The following USP12 variants were observed in gnomAD, a reference collection of about 807,000 sequenced individuals.
USP12 encodes the protein ubiquitin carboxyl-terminal hydrolase 12.
Under a neutral mutation model 45.5 loss-of-function variants are expected in USP12, and 19 were observed. That is an observed-to-expected ratio of 0.42 (90% CI 0.29 to 0.61). USP12 has a LOEUF of 0.61. Ranked by LOEUF, USP12 falls within the 20% of genes least tolerant of loss-of-function variation. The pLI is 0.22. For missense variants in USP12, 242 were observed against 447.7 expected (o/e 0.54, Z 4.15); for synonymous variants, 149 against 148.8 (o/e 1.00, Z -0.01).
intron 2 of USP12, among the ~76,000 whole-genome samples, chr13:27,110,361 G>A (rs921475668): frequency 6.6e-6 from 1 of 152,204 alleles, no homozygotes; most frequent in Non-Finnish European, 1.5e-5. Context: ...ACTAGGCAGA[G>A]CCAATAATTT....
intron 7 of USP12, among the ~76,000 whole-genome samples, chr13:27,073,855 G>A (rs1318977530): frequency 6.6e-6 from 1 of 152,090 alleles, no homozygotes. Context: ...ACGTTACACT[G>A]CCCACAATTG....
intron 1 of USP12, among the ~76,000 whole-genome samples, chr13:27,141,780 T>A (rs1379885838): frequency 6.6e-6 from 1 of 152,094 alleles, no homozygotes; most frequent in Non-Finnish European, 1.5e-5. Context: ...CATCCCTAAT[T>A]TGAAAATCTG....
intron 3 of USP12, among the ~76,000 whole-genome samples, chr13:27,104,722 A>G (rs1875045894): frequency 6.6e-6 from 1 of 152,238 alleles, no homozygotes; most frequent in African/African-American, 2.4e-5. Context: ...CGAACTAGAT[A>G]TGATCCAGGC....
At chr13:27,100,132 G>A (rs537868694) in intron 3 of USP12, among the ~76,000 whole-genome samples, 11 of 152,258 alleles carry the variant, frequency 7.2e-5, no homozygotes, top group Admixed American at 3.3e-4. Flanking sequence ...AGAACCTTGC[G>A]TGGTTCCACC....
chr13:27,125,891 C>T (rs971442115), intron 1 of USP12, among the ~76,000 whole-genome samples: 4 of 152,220 alleles, frequency 2.6e-5, no homozygotes, highest in Non-Finnish European at 4.4e-5. Context: ...GACGCTGGAG[C>T]TTGGCAGGGG....
intron 1 of USP12, chr13:27,169,258 G>T (rs1053838693): frequency 6.6e-6 from 1 of 152,308 alleles, no homozygotes; most frequent in East Asian, 1.9e-4. Flanking sequence ...GGGTTGGACA[G>T]GGGTAGGATT....
At position 27,095,749 on chromosome 13, in the gene USP12, T is replaced by C. The variant is rs779897534; in HGVS notation, c.425A>G (p.Glu142Gly). 6 of 1,613,192 alleles carry C rather than the reference T, an allele frequency of 3.7e-6. No homozygotes were observed. The East Asian group carries it at 1.1e-4, about 30-fold the overall frequency. The change falls in exon 4 of 9, where the codon GAA (glutamate) becomes GGA (glycine). Residue 142 changes from glutamate (E) to glycine (G), a missense_variant. Physicochemically the swap from Glu to Gly is moderately conservative, Grantham distance 98. Transcript: ENST00000282344. ...LLNTIADILQ[E>G]ERKQEKQNGR... ...ATTTTGTTTTTCCTGCTTTCTCTCT[T>C]CTTGTAAAATATCAGCAATTGTATT...
Position 27,146,854 on chromosome 13 carries a change from G to C in USP12, c.48+24738C>G, listed in dbSNP as rs553480695. 7.2e-5 allele frequency among the ~76,000 whole-genome samples: 11 copies of C among 152,282 alleles called. No homozygotes were observed. In the East Asian group the frequency reaches 1.9e-3, roughly 27 times the overall value. On this transcript the variant is annotated intron_variant, in intron 1 of 8. Coordinates refer to ENST00000282344, the MANE Select transcript of USP12 (RefSeq NM_182488.4). ...TTTACAAAGCTAATCAAGTTAAAAT[G>C]AGGTCATGAAGGTAATTCCTAATCC...
At chr13:27,135,803 A>G (rs1299844041) in intron 1 of USP12, among the ~76,000 whole-genome samples, 4 of 152,222 alleles carry the variant, frequency 2.6e-5, no homozygotes. Flanking sequence ...AACCACATGT[A>G]AACACTTACT....
Position 27,158,730 on chromosome 13 carries a change from C to T in USP12, c.48+12862G>A, listed in dbSNP as rs566653425. Among the ~76,000 whole-genome samples the T allele has an allele frequency of 3.1e-3, 469 of 152,156 alleles. 3 individuals are homozygous for T. The highest frequency in any genetic ancestry group is 0.011 in the African/African-American group (452 of 41,510). On this transcript the variant is annotated intron_variant, in intron 1 of 8. Transcript: ENST00000282344. ...AGTTTCTGGCACTTTGTTATGGCAG[C>T]CCTAGGAAACTAATAAAATTATTGT... is the stretch of plus-strand genomic sequence containing the variant.
At chr13:27,099,131 C>CAT (rs1446689102) in intron 3 of USP12, among the ~76,000 whole-genome samples, 3 of 152,052 alleles carry the variant, frequency 2.0e-5, no homozygotes. Flanking sequence ...TATTTAAGTG[C>CAT]ATAGAAAAGG....
At chr13:27,081,252 C>G (rs1004990142) in intron 6 of USP12, among the ~76,000 whole-genome samples, 1 of 152,178 alleles carries the variant, frequency 6.6e-6, no homozygotes, top group Non-Finnish European at 1.5e-5. Context: ...CAAACCCTGA[C>G]GCTGCTATCA....
rs560732135 is a variant in USP12, at chr13:27,074,293, G to A, written c.932+898C>T. ...TGGGTGCCTGTAGTCTCAGCTACTC[G>A]GGAGGCAGAGGCAGGAGAATGGCGT... On this transcript the variant is annotated intron_variant, in intron 7 of 8. Coordinates refer to ENST00000282344, the MANE Select transcript of USP12 (RefSeq NM_182488.4). Among the ~76,000 whole-genome samples, 138 of 152,140 alleles carry A rather than the reference G, an allele frequency of 9.1e-4. 1 individual carries two copies. Among genetic ancestry groups the A allele is most frequent in the Non-Finnish European group, 2.8e-4 (19 of 68,000 alleles).
At chr13:27,118,043 A>G (rs1565995118) in intron 1 of USP12, among the ~76,000 whole-genome samples, 1 of 150,088 alleles carries the variant, frequency 6.7e-6, no homozygotes, top group Non-Finnish European at 1.5e-5. Flanking sequence ...ACATTGCTCA[A>G]AAAATATCAA....
chr13:27,107,223 G>T (rs1184633553), intron 2 of USP12, among the ~76,000 whole-genome samples: 1 of 152,144 alleles, frequency 6.6e-6, no homozygotes, highest in Non-Finnish European at 1.5e-5. Context: ...TACTCAGGAG[G>T]CTGAGGTATG....
At chr13:27,162,783 C>T (rs915447115) in intron 1 of USP12, 1 of 152,138 alleles carries the variant, frequency 6.6e-6, no homozygotes, top group African/African-American at 2.4e-5. Context: ...GATTAATGAA[C>T]TAGAAGAGCT....
intron 1 of USP12, among the ~76,000 whole-genome samples, chr13:27,130,239 C>T (rs1346290043): frequency 1.3e-5 from 2 of 152,162 alleles, no homozygotes; most frequent in Non-Finnish European, 2.9e-5. Context: ...CAGATTCTTG[C>T]TTTTGTTTCT....
intron 3 of USP12, among the ~76,000 whole-genome samples, chr13:27,105,495 C>T (rs1447060850): frequency 6.6e-6 from 1 of 152,174 alleles, no homozygotes. Context: ...TGCTGCCACA[C>T]AGAATTTTAT....
intron 1 of USP12, among the ~76,000 whole-genome samples, chr13:27,139,674 A>G (rs1384291869): frequency 1.3e-5 from 2 of 152,234 alleles, no homozygotes; most frequent in Non-Finnish European, 2.9e-5. Context: ...GAGCTCTCCT[A>G]TAGCAATTTC....
Sources: gnomAD v4.1 joint callset for allele counts (sites outside exome capture counted in the v4.1 genomes callset) on GRCh38, gnomAD v4.1.1 for gene constraint, MANE v1.5 for transcripts, NCBI Gene and HGNC (gene_info 2026-07-23, HGNC 2026-07-21) for gene names.